The following SYT1 variants were observed in gnomAD, a reference collection of about 807,000 sequenced individuals.
SYT1 encodes synaptotagmin 1.
Under a neutral mutation model 44.8 loss-of-function variants are expected in SYT1, and 8 were observed. The observed-to-expected ratio is 0.18, with a 90% CI of 0.10 to 0.32. SYT1 has a LOEUF of 0.32. Among genes scored for constraint, SYT1 ranks in the 10% least tolerant of loss-of-function variants. SYT1 has a pLI of 1.00. For missense variants in SYT1, 286 were observed against 509.3 expected (o/e 0.56, Z 4.22); for synonymous variants, 154 against 188.8 (o/e 0.82, Z 1.51).
At chr12:79,105,186 C>T (rs1385122473) in intron 3 of SYT1, among the ~76,000 whole-genome samples, 1 of 152,258 alleles carries the variant, frequency 6.6e-6, no homozygotes. Flanking sequence ...GTTTGTTTAG[C>T]GTTGACCACA....
chr12:78,998,958 A>G (rs1009380097), intron 2 of SYT1, among the ~76,000 whole-genome samples: 1 of 152,184 alleles, frequency 6.6e-6, no homozygotes, highest in Non-Finnish European at 1.5e-5. Context: ...CACACTGATT[A>G]CTGATCAAGG....
At chr12:79,303,031 C>G (rs1397323652) in intron 8 of SYT1, among the ~76,000 whole-genome samples, 3 of 152,112 alleles carry the variant, frequency 2.0e-5, no homozygotes, top group African/African-American at 4.8e-5. Context: ...TAGCCCCAAG[C>G]TGAATCTTTG....
At chr12:79,253,483 GTCTCTCTCTCTC>G (rs60179268) in intron 4 of SYT1, among the ~76,000 whole-genome samples, 34 of 129,486 alleles carry the variant, frequency 2.6e-4, no homozygotes, top group East Asian at 1.2e-3. Context: ...CCATTGCCCA[GTCTCTCTCTCTC>G]TCTCTCTCTC....
intron 10 of SYT1, among the ~76,000 whole-genome samples, 196 bp from the exon 11 acceptor site, chr12:79,448,722 T>C (rs917690043): frequency 3.9e-5 from 6 of 152,238 alleles, no homozygotes; most frequent in Admixed American, 1.3e-4. Flanking sequence ...CTGAGTTCAT[T>C]CATGTAAAAG....
At chr12:79,169,151 C>T (rs1871370394) in intron 3 of SYT1, among the ~76,000 whole-genome samples, 1 of 152,014 alleles carries the variant, frequency 6.6e-6, no homozygotes, top group Non-Finnish European at 1.5e-5. Flanking sequence ...CCTAAGAACA[C>T]TTTACAGATA....
intron 3 of SYT1, among the ~76,000 whole-genome samples, chr12:79,198,202 T>C (rs1444425653): frequency 4.6e-5 from 7 of 152,164 alleles, no homozygotes; most frequent in Non-Finnish European, 1.5e-5. Context: ...ACTTACATTG[T>C]CTTTCGTGTT....
chr12:78,931,303 G>C (rs1231843775), intron 1 of SYT1, among the ~76,000 whole-genome samples: 1 of 66,346 alleles, frequency 1.5e-5, no homozygotes, highest in African/African-American at 6.1e-5. Flanking sequence ...AGGAAGGAAG[G>C]AAGGAGAGGG....
intron 5 of SYT1, chr12:79,291,739 T>C (rs1234057441): frequency 3.7e-6 from 2 of 538,904 alleles, no homozygotes; most frequent in African/African-American, 1.9e-5. Flanking sequence ...GACACTTTCT[T>C]TGCAACAATG....
chr12:79,257,497 T>C (rs1016432883), intron 4 of SYT1, among the ~76,000 whole-genome samples: 5 of 152,244 alleles, frequency 3.3e-5, no homozygotes, highest in Admixed American at 1.3e-4. Flanking sequence ...GTTTTTGTTT[T>C]TGAGACGGAG....
chr12:79,241,718 T>C (rs1228144941), intron 4 of SYT1, among the ~76,000 whole-genome samples: 2 of 152,254 alleles, frequency 1.3e-5, no homozygotes, highest in East Asian at 1.9e-4. Flanking sequence ...CAAAAGTAGA[T>C]AATGTGTGCT....
intron 2 of SYT1, among the ~76,000 whole-genome samples, chr12:79,019,511 G>A (rs1277554374): frequency 6.6e-6 from 1 of 151,868 alleles, no homozygotes; most frequent in East Asian, 1.9e-4. Context: ...TTATATTTCA[G>A]AGTGCCTACC....
At chr12:79,153,265 T>G (rs545793685) in intron 3 of SYT1, among the ~76,000 whole-genome samples, 1 of 152,284 alleles carries the variant, frequency 6.6e-6, no homozygotes, top group African/African-American at 2.4e-5. Flanking sequence ...TTATGATCTC[T>G]ATAATCAATT....
At chr12:78,991,443 C>G (rs889434592) in intron 2 of SYT1, among the ~76,000 whole-genome samples, 1 of 151,922 alleles carries the variant, frequency 6.6e-6, no homozygotes, top group Non-Finnish European at 1.5e-5. Flanking sequence ...AATGAAAAAA[C>G]CTCACAGTTA....
chr12:79,245,479 AAAAAAAAAAAG>A (rs1565872849), intron 4 of SYT1, among the ~76,000 whole-genome samples: 1 of 149,876 alleles, frequency 6.7e-6, no homozygotes, highest in Non-Finnish European at 1.5e-5. Flanking sequence ...TCAACAAAAA[AAAAAAAAAAAG>A]AAAAGAAAAA....
At chr12:79,409,717 T>C (rs1401184864) in intron 9 of SYT1, among the ~76,000 whole-genome samples, 1 of 152,118 alleles carries the variant, frequency 6.6e-6, no homozygotes, top group Non-Finnish European at 1.5e-5. Flanking sequence ...CATTCCCTGT[T>C]GATTATCTCG....
intron 4 of SYT1, 92 bp from the exon 5 acceptor site, chr12:79,285,695 T>A: frequency 1.0e-6 from 1 of 993,708 alleles, no homozygotes; most frequent in East Asian, 2.5e-5. Flanking sequence ...AAAATGCAAA[T>A]GAAAAAAATG....
At chr12:79,415,568 G>A (rs77865012) in intron 9 of SYT1, among the ~76,000 whole-genome samples, 5 of 152,114 alleles carry the variant, frequency 3.3e-5, no homozygotes, top group Admixed American at 6.6e-5. Context: ...AGCTGCCTAC[G>A]ATTCCCTCGA....
At chr12:79,201,130 C>G (rs960035336) in intron 3 of SYT1, among the ~76,000 whole-genome samples, 2 of 152,046 alleles carry the variant, frequency 1.3e-5, no homozygotes, top group Admixed American at 6.6e-5. Flanking sequence ...TTCCTAGGAT[C>G]TGTAGTGGAA....
intron 4 of SYT1, among the ~76,000 whole-genome samples, chr12:79,229,717 C>A (rs1252366686): frequency 1.3e-5 from 2 of 152,100 alleles, no homozygotes; most frequent in Non-Finnish European, 2.9e-5. Context: ...CCTTAGTCTC[C>A]CAAGTAGCTG....
Sources: allele counts gnomAD v4.1 joint callset (sites outside exome capture counted in the v4.1 genomes callset), GRCh38; gene constraint gnomAD v4.1.1; transcripts MANE v1.5; gene names NCBI Gene and HGNC (gene_info 2026-07-23, HGNC 2026-07-21).